The following PATJ variants were observed in gnomAD, a reference collection of about 807,000 sequenced individuals.
PATJ encodes the protein PATJ crumbs cell polarity complex component.
PATJ carries 190 observed loss-of-function variants against 224.9 expected under a neutral mutation model. The ratio of observed to expected loss-of-function variants is 0.84; its 90% confidence interval spans 0.75 to 0.95. The LOEUF (loss-of-function observed/expected upper bound fraction) is 0.95. Among genes scored for constraint, PATJ ranks in the 40% least tolerant of loss-of-function variants. The pLI is 0.00. For synonymous variants in PATJ, 769 were observed against 820.3 expected (o/e 0.94, Z 1.07); for missense variants, 2,121 against 2,270.3 (o/e 0.93, Z 1.34).
intron 35 of PATJ, among the ~76,000 whole-genome samples, chr1:62,115,182 C>T (rs9436219): frequency 0.65 from 99,245 of 151,850 alleles, 33,363 homozygotes; most frequent in East Asian, 0.83. Flanking sequence ...TAGTGGCAGA[C>T]GCCTGTAATC....
chr1:62,045,385 A>G (rs1478554034), intron 30 of PATJ, among the ~76,000 whole-genome samples: 1 of 152,228 alleles, frequency 6.6e-6, no homozygotes, highest in Non-Finnish European at 1.5e-5. Flanking sequence ...TATAAAAAAA[A>G]AGGAGTTTAA....
rs12076103 is a variant in PATJ, at chr1:62,084,426, T to C, written c.4244-89T>C. ...GGAAAAGAGTGCAGTGATAAACACA[T>C]GCAAGCCCCACACTCCCCACGTGAT... On this transcript the variant is annotated intron_variant, in intron 32 of 43. Coordinates refer to ENST00000642238, the MANE Select transcript of PATJ (RefSeq NM_001350145.3). The C allele has an allele frequency of 7.2e-3, 10,132 of 1,401,236 alleles. 641 individuals carry two copies. The African/African-American group carries it at 0.13, about 18-fold the overall frequency. 86.8% of individuals were successfully genotyped at this position (1,401,236 alleles called of 1,614,324 possible). A position where few individuals can be genotyped will look rare whatever the true frequency, so the allele number is the denominator to read the frequency against.
chr1:61,773,858 C>G (rs1286838), intron 6 of PATJ, among the ~76,000 whole-genome samples: 1 of 151,532 alleles, frequency 6.6e-6, no homozygotes, highest in African/African-American at 2.4e-5. Context: ...CTTTGGCTCA[C>G]GCCTGTAGTC....
chr1:61,991,578 C>T, intron 28 of PATJ: 1 of 985,368 alleles, frequency 1.0e-6, no homozygotes, highest in Non-Finnish European at 1.2e-6. Flanking sequence ...AAGACCATCG[C>T]CATCAACTCT....
rs772723434 is a variant in PATJ, at chr1:62,038,004, C to T, written c.3987C>T (p.Ala1329=). ...ACGAGGATGCAGTCAATCAGATGGCCGTTACTCCCTTTCCAGTGCCATCAA... is the reference window on the plus strand; with the variant it reads ...ACGAGGATGCAGTCAATCAGATGGCTGTTACTCCCTTTCCAGTGCCATCAA... ...IRNEDAVNQM[A]VTPFPVPSSS... is the part of the protein sequence containing the mutation. The change falls in exon 30 of 44, where the codon GCC becomes GCT. Residue 1329 remains alanine (A), a synonymous_variant. Transcript: ENST00000642238. The T allele has an allele frequency of 1.0e-5, 16 of 1,604,234 alleles. No homozygotes were observed. The highest frequency in any genetic ancestry group is 2.2e-5 in the East Asian group (1 of 44,596).
intron 32 of PATJ, 25 bp downstream of exon 32, chr1:62,079,592 C>T: frequency 2.7e-6 from 4 of 1,455,700 alleles, no homozygotes; most frequent in Non-Finnish European, 3.9e-6. Flanking sequence ...CTCAGCAGAT[C>T]TGGCTCATTA....
intron 31 of PATJ, among the ~76,000 whole-genome samples, chr1:62,062,099 T>C (rs184773626): frequency 1.3e-5 from 2 of 152,370 alleles, no homozygotes; most frequent in East Asian, 1.9e-4. Flanking sequence ...CCTTTGGTTA[T>C]GTAACCAGTA....
chr1:61,756,629 A>G (rs1221320284), intron 1 of PATJ, among the ~76,000 whole-genome samples: 1 of 121,376 alleles, frequency 8.2e-6, no homozygotes, highest in Non-Finnish European at 1.6e-5. Context: ...CCCAGGCTGG[A>G]GTGCAGTGGC....
At chr1:61,791,303 G>A (rs942678248) in intron 8 of PATJ, 45 bp from the exon 9 acceptor site, 7 of 1,097,372 alleles carry the variant, frequency 6.4e-6, no homozygotes, top group African/African-American at 1.5e-5. Context: ...GTACACACAG[G>A]TATGCCACTA....
chr1:61,927,892 T>C (rs1675457395), intron 27 of PATJ, 63 bp downstream of exon 27: 2 of 1,145,212 alleles, frequency 1.7e-6, no homozygotes, highest in East Asian at 2.4e-5. Context: ...TTAACGACTG[T>C]TGTAAATTAT....
chr1:61,746,363 C>T (rs1248023359), intron 1 of PATJ, among the ~76,000 whole-genome samples: 2 of 152,210 alleles, frequency 1.3e-5, no homozygotes, highest in Non-Finnish European at 2.9e-5. Context: ...CAGGCGTGAG[C>T]CACCCTTCTG....
At chr1:61,790,955 C>A (rs1649727221) in intron 8 of PATJ, among the ~76,000 whole-genome samples, 1 of 152,200 alleles carries the variant, frequency 6.6e-6, no homozygotes, top group Admixed American at 6.6e-5. Context: ...GACTGAGGTC[C>A]CTTTTTATTT....
chr1:61,996,867 C>G (rs1645393710), intron 28 of PATJ, among the ~76,000 whole-genome samples: 1 of 151,260 alleles, frequency 6.6e-6, no homozygotes, highest in Admixed American at 6.6e-5. Flanking sequence ...CTCAGCCTCC[C>G]GAGTACCTGG....
chr1:61,908,705 C>A (rs1464205056), intron 25 of PATJ, among the ~76,000 whole-genome samples: 1 of 152,160 alleles, frequency 6.6e-6, no homozygotes, highest in Non-Finnish European at 1.5e-5. Flanking sequence ...GTTTAAGTTA[C>A]TGCTTCTGGA....
chr1:62,062,343 G>A (rs908176119), intron 31 of PATJ, among the ~76,000 whole-genome samples: 3 of 132,306 alleles, frequency 2.3e-5, no homozygotes, highest in Non-Finnish European at 4.8e-5. Flanking sequence ...GGTGATTATC[G>A]ATGTTGAGCA....
chr1:61,873,410 C>T (rs1476084608), intron 20 of PATJ, among the ~76,000 whole-genome samples: 1 of 152,094 alleles, frequency 6.6e-6, no homozygotes, highest in African/African-American at 2.4e-5. Context: ...CTTAAGTGAT[C>T]TACACATTTT....
At chr1:62,055,584 G>A (rs1654402983) in intron 31 of PATJ, among the ~76,000 whole-genome samples, 1 of 152,192 alleles carries the variant, frequency 6.6e-6, no homozygotes, top group Non-Finnish European at 1.5e-5. Flanking sequence ...ATACCAGAGT[G>A]CGCTGTAGTC....
At chr1:61,796,970 G>A (rs1006566871) in intron 10 of PATJ, among the ~76,000 whole-genome samples, 4 of 151,904 alleles carry the variant, frequency 2.6e-5, no homozygotes, top group South Asian at 2.1e-4. Flanking sequence ...AGGTTCAAGC[G>A]ATTCTCCTGC....
rs990683030 is a variant in PATJ at position 62,124,684 on chromosome 1, C to G, written c.5043+1626C>G. On this transcript the variant is annotated intron_variant, in intron 39 of 43. Coordinates refer to ENST00000642238, the MANE Select transcript of PATJ (RefSeq NM_001350145.3). ...TCTGCAGGTTTGACTTTTCCTGAGG[C>G]CCCCCTCCTTGGCTTGCAGATGTCC... Among the ~76,000 whole-genome samples the G allele has an allele frequency of 9.9e-5, 15 of 152,240 alleles. No individual in the cohort carries two copies. In the East Asian group the frequency reaches 2.3e-3, roughly 24 times the overall value.
Sources: gnomAD v4.1 joint callset for allele counts (sites outside exome capture counted in the v4.1 genomes callset) on GRCh38, gnomAD v4.1.1 for gene constraint, MANE v1.5 for transcripts, NCBI Gene and HGNC (gene_info 2026-07-23, HGNC 2026-07-21) for gene names.